The following TNRC6B variants were observed in gnomAD, a reference collection of about 807,000 sequenced individuals.
The protein encoded by TNRC6B is trinucleotide repeat containing adaptor 6B.
In TNRC6B, 52 loss-of-function variants were observed where a neutral mutation model predicts 203.6. The ratio of observed to expected loss-of-function variants is 0.26; its 90% confidence interval spans 0.20 to 0.32. The LOEUF is 0.32. Ranked by LOEUF, TNRC6B falls within the 10% of genes least tolerant of loss-of-function variation. The pLI is 1.00. For synonymous variants in TNRC6B, 838 were observed against 845.7 expected (o/e 0.99, Z 0.16); for missense variants, 1,923 against 2,286.2 (o/e 0.84, Z 3.24).
intron 3 of TNRC6B, among the ~76,000 whole-genome samples, chr22:40,153,978 TA>T (rs954739172): frequency 1.3e-5 from 2 of 151,580 alleles, no homozygotes; most frequent in Admixed American, 6.6e-5. Context: ...TGGCTTTCTT[TA>T]TTTTTTTTTA....
intron 9 of TNRC6B, among the ~76,000 whole-genome samples, chr22:40,279,679 A>G (rs2070698430): frequency 1.3e-5 from 2 of 152,246 alleles, no homozygotes; most frequent in South Asian, 2.1e-4. Flanking sequence ...TATCCAGTCT[A>G]AATGTTTTCT....
intron 3 of TNRC6B, among the ~76,000 whole-genome samples, chr22:40,138,978 A>G (rs2068623201): frequency 6.6e-6 from 1 of 152,222 alleles, no homozygotes; most frequent in South Asian, 2.1e-4. Flanking sequence ...TTACCCATTT[A>G]TAGTATACAG....
intron 1 of TNRC6B, among the ~76,000 whole-genome samples, chr22:40,089,401 T>A (rs2068130135): frequency 6.6e-6 from 1 of 151,990 alleles, no homozygotes. Flanking sequence ...CCCAGCTAAT[T>A]TTTTTATTTT....
At chr22:40,220,778 C>A (rs1049713118) in intron 1 of TNRC6B, among the ~76,000 whole-genome samples, 1 of 152,182 alleles carries the variant, frequency 6.6e-6, no homozygotes, top group African/African-American at 2.4e-5. Flanking sequence ...CTTCACTTTC[C>A]CTTCCCTTTT....
intron 1 of TNRC6B, among the ~76,000 whole-genome samples, chr22:40,179,251 C>G (rs1163704280): frequency 2.0e-5 from 3 of 152,120 alleles, no homozygotes; most frequent in Non-Finnish European, 2.9e-5. Context: ...GCCTCCTCCC[C>G]CTATCATTGT....
At chr22:40,237,797 CCCTCTTCCCA>C (rs2069968295) in intron 1 of TNRC6B, among the ~76,000 whole-genome samples, 1 of 151,370 alleles carries the variant, frequency 6.6e-6, no homozygotes, top group Non-Finnish European at 1.5e-5. Flanking sequence ...GAAGGCAGCC[CCCTCTTCCCA>C]TCTCTTCCCT....
At chr22:40,245,036 C>T (rs1321903791) in intron 1 of TNRC6B, among the ~76,000 whole-genome samples, 8 of 152,100 alleles carry the variant, frequency 5.3e-5, no homozygotes, top group Non-Finnish European at 7.4e-5. Context: ...TTCATGTGTA[C>T]GGGAAGATAC....
intron 11 of TNRC6B, among the ~76,000 whole-genome samples, chr22:40,285,320 C>T (rs755837871): frequency 1.3e-5 from 2 of 152,162 alleles, no homozygotes; most frequent in African/African-American, 4.8e-5. Flanking sequence ...ATTTGGTAAA[C>T]CCAATCGCAA....
chr22:40,206,425 A>C (rs957697810), intron 1 of TNRC6B, among the ~76,000 whole-genome samples: 3 of 152,130 alleles, frequency 2.0e-5, no homozygotes, highest in African/African-American at 7.2e-5. Flanking sequence ...AAATTATATC[A>C]GAAGACATTA....
rs267606255 is a variant in TNRC6B, at chr22:40,246,088, G to C, written c.79G>C (p.Glu27Gln). 1.1e-5 allele frequency: 16 copies of C among 1,517,966 alleles called. No homozygotes were observed. The highest frequency in any genetic ancestry group is 8.0e-6 in the Non-Finnish European group (9 of 1,127,756). 94.0% of individuals were successfully genotyped at this position (1,517,966 alleles called of 1,614,324 possible). The change falls in exon 2 of 23, where the codon GAA becomes CAA. Residue 27 changes from glutamate to glutamine, a missense_variant. By Grantham distance (29) the Glu-to-Gln change is conservative (BLOSUM62 2). Coordinates refer to ENST00000454349, the MANE Select transcript of TNRC6B (RefSeq NM_001162501.2). ...GAAGAAAGAGGATAAAAAGAAAAAAGAAGCCACTCAGAAGGTAGGTTTAAT... is the reference window on the plus strand; with the variant it reads ...GAAGAAAGAGGATAAAAAGAAAAAACAAGCCACTCAGAAGGTAGGTTTAAT... Reference protein sequence around the residue: ...KRKKEDKKKKEATQKVTEQKT... With the variant: ...KRKKEDKKKKQATQKVTEQKT...
chr22:40,246,346 C>T (rs1294215283), intron 2 of TNRC6B: 2 of 252,992 alleles, frequency 7.9e-6, no homozygotes, highest in South Asian at 5.0e-5. Context: ...CACGCCACCA[C>T]GCCTGGCTAA....
intron 3 of TNRC6B, among the ~76,000 whole-genome samples, chr22:40,149,757 G>A (rs1054454511): frequency 1.3e-5 from 2 of 149,850 alleles, no homozygotes; most frequent in Non-Finnish European, 3.0e-5. Context: ...TGTCTTGCTT[G>A]TGGTGATGAT....
At chr22:40,284,795 G>C (rs535431898) in intron 11 of TNRC6B, among the ~76,000 whole-genome samples, 22 of 152,202 alleles carry the variant, frequency 1.4e-4, no homozygotes, top group Non-Finnish European at 2.6e-4. Flanking sequence ...AGTGAAGATG[G>C]TATCAGAAAG....
chr22:40,048,476 G>A (rs535215373), intron 1 of TNRC6B, among the ~76,000 whole-genome samples: 5 of 151,670 alleles, frequency 3.3e-5, no homozygotes, highest in Admixed American at 3.3e-4. Context: ...AGGAGGCGGA[G>A]GCTGCAGTGA....
intron 13 of TNRC6B, 123 bp downstream of exon 13, chr22:40,300,709 T>C: frequency 7.4e-7 from 1 of 1,349,716 alleles, no homozygotes; most frequent in Non-Finnish European, 1.0e-6. Flanking sequence ...TCCACACTTC[T>C]TTGCAAACTA....
chr22:40,239,960 C>T (rs956229413), intron 1 of TNRC6B, among the ~76,000 whole-genome samples: 9 of 152,164 alleles, frequency 5.9e-5, no homozygotes, highest in African/African-American at 1.9e-4. Flanking sequence ...GCCTCAGCCT[C>T]CCAAGCAGCT....
rs1381588623 is a variant in TNRC6B, at chr22:40,331,405, C to T, written c.*8164C>T. On this transcript the variant is annotated 3_prime_UTR_variant, in exon 23 of 23. Transcript: ENST00000454349. ...TGTTTTAAACAATTTCACCTCTTCT[C>T]CCCACTCCTATCTTCTAAAGAAATA... 6.5e-6 allele frequency: 2 copies of T among 305,880 alleles called. No homozygotes were observed. The highest frequency in any genetic ancestry group is 1.2e-5 in the Non-Finnish European group (2 of 167,388). 18.9% of individuals were successfully genotyped at this position (305,880 alleles called of 1,614,324 possible). A position where few individuals can be genotyped will look rare whatever the true frequency, so the allele number is the denominator to read the frequency against.
intron 22 of TNRC6B, among the ~76,000 whole-genome samples, chr22:40,322,439 C>T (rs944596333): frequency 8.5e-5 from 13 of 152,178 alleles, no homozygotes; most frequent in African/African-American, 1.9e-4. Context: ...TGTATAATGA[C>T]GGGTATCTAC....
At chr22:40,269,339 G>A (rs751577690) in intron 5 of TNRC6B, among the ~76,000 whole-genome samples, 9 of 151,614 alleles carry the variant, frequency 5.9e-5, no homozygotes, top group Non-Finnish European at 1.3e-4. Context: ...TTGCCATGTG[G>A]GTCTGGCTAG....
Sources: gnomAD v4.1 joint callset for allele counts (sites outside exome capture counted in the v4.1 genomes callset) on GRCh38, gnomAD v4.1.1 for gene constraint, MANE v1.5 for transcripts, NCBI Gene and HGNC (gene_info 2026-07-23, HGNC 2026-07-21) for gene names.